The following DOK6 variants were observed in gnomAD, a reference collection of about 807,000 sequenced individuals.
DOK6 encodes the protein downstream of tyrosine kinase 6.
In DOK6, 22 loss-of-function variants were observed where a neutral mutation model predicts 44.0. That is an observed-to-expected ratio of 0.50 (90% confidence interval 0.36 to 0.71). The LOEUF (loss-of-function observed/expected upper bound fraction) is 0.71, where lower values mean the gene tolerates loss of function less well. DOK6 is among the 30% of genes least tolerant of loss of function. The pLI is 0.00. For synonymous variants in DOK6, 166 were observed against 145.5 expected (o/e 1.14, Z -1.01); for missense variants, 340 against 416.4 (o/e 0.82, Z 1.60).
At chr18:69,701,924 C>A (rs555080396) in intron 5 of DOK6, among the ~76,000 whole-genome samples, 8 of 152,110 alleles carry the variant, frequency 5.3e-5, no homozygotes, top group African/African-American at 1.9e-4. Context: ...GAGAAAGAAT[C>A]TTTTCTCTAA....
rs572970687 is a variant in DOK6, at chr18:69,579,720, C to T, written c.174+15126C>T. 1.1e-4 allele frequency among the ~76,000 whole-genome samples: 17 copies of T among 152,198 alleles called. No individual in the cohort carries two copies. In the South Asian group the frequency reaches 2.9e-3, roughly 26 times the overall value. Reference sequence around the variant, plus strand: ...CTGGAATTACAGGCACCCACCACCACGCCCAGCTAATTTTTGTATATTTTT... The same window carrying T: ...CTGGAATTACAGGCACCCACCACCATGCCCAGCTAATTTTTGTATATTTTT... On this transcript the variant is annotated intron_variant, in intron 2 of 7. Transcript: ENST00000382713.
chr18:69,485,423 C>T (rs188677396), intron 1 of DOK6, among the ~76,000 whole-genome samples: 68 of 152,156 alleles, frequency 4.5e-4, no homozygotes, highest in Middle Eastern at 6.8e-3. Flanking sequence ...TACCCCAGAC[C>T]ATCAAAGGCA....
intron 1 of DOK6, among the ~76,000 whole-genome samples, chr18:69,416,156 G>C (rs79800455): frequency 8.4e-6 from 1 of 119,132 alleles, no homozygotes; most frequent in African/African-American, 3.1e-5. Flanking sequence ...GAGGGAGGGA[G>C]GGAAGGAAGG....
At chr18:69,626,245 A>C (rs1423955349) in intron 3 of DOK6, among the ~76,000 whole-genome samples, 1 of 152,166 alleles carries the variant, frequency 6.6e-6, no homozygotes, top group East Asian at 1.9e-4. Context: ...TGGCCATCCC[A>C]TTTGATCTCT....
chr18:69,512,578 A>T (rs554827983), intron 1 of DOK6, among the ~76,000 whole-genome samples: 46 of 152,104 alleles, frequency 3.0e-4, no homozygotes, highest in Admixed American at 8.5e-4. Flanking sequence ...TCCTAACCTC[A>T]GTTGATTCGT....
rs184975015 is a variant in DOK6 at position 69,592,216 on chromosome 18, T to G, written c.175-7168T>G. The stretch of plus-strand genomic sequence containing the variant: ...GGTAAGAGTAAGGTTTGGGAGTTGG[T>G]GGCTTTTGTTTTTCTTTTTTCTTTT... On this transcript the variant is annotated intron_variant, in intron 2 of 7. Coordinates refer to ENST00000382713, the MANE Select transcript of DOK6 (RefSeq NM_152721.6). 1.5e-4 allele frequency among the ~76,000 whole-genome samples: 22 copies of G among 150,426 alleles called. No homozygotes were observed. The East Asian group carries it at 4.3e-3, about 30-fold the overall frequency.
At chr18:69,733,921 T>C (rs1277544413) in intron 5 of DOK6, among the ~76,000 whole-genome samples, 4 of 152,140 alleles carry the variant, frequency 2.6e-5, no homozygotes, top group African/African-American at 4.8e-5. Context: ...TTCAATCTTT[T>C]TGTTTTTGTC....
intron 1 of DOK6, among the ~76,000 whole-genome samples, chr18:69,431,923 A>C (rs1397803999): frequency 6.6e-6 from 1 of 152,244 alleles, no homozygotes; most frequent in African/African-American, 2.4e-5. Flanking sequence ...TAAGCACAGA[A>C]TAATTATCTA....
At chr18:69,598,464 T>G (rs1983798606) in intron 2 of DOK6, among the ~76,000 whole-genome samples, 1 of 152,058 alleles carries the variant, frequency 6.6e-6, no homozygotes, top group Non-Finnish European at 1.5e-5. Flanking sequence ...TAGGTTGTCA[T>G]AAAAGAGGAT....
At chr18:69,677,252 A>G (rs1985942624) in intron 3 of DOK6, among the ~76,000 whole-genome samples, 1 of 151,744 alleles carries the variant, frequency 6.6e-6, no homozygotes, top group Non-Finnish European at 1.5e-5. Flanking sequence ...ACACTTATAT[A>G]TTTATTTTCT....
At chr18:69,689,537 G>A (rs576646287) in intron 4 of DOK6, among the ~76,000 whole-genome samples, 74 of 152,160 alleles carry the variant, frequency 4.9e-4, no homozygotes, top group Non-Finnish European at 7.8e-4. Flanking sequence ...ATAATGACTC[G>A]CTCTATATGT....
At chr18:69,665,061 G>C (rs1985621573) in intron 3 of DOK6, among the ~76,000 whole-genome samples, 1 of 152,026 alleles carries the variant, frequency 6.6e-6, no homozygotes, top group South Asian at 2.1e-4. Flanking sequence ...CATGCCTGTA[G>C]TCCCAGCTAC....
At position 69,437,581 on chromosome 18, in the gene DOK6, T is replaced by G. The variant is rs1333385677; in HGVS notation, c.66+36271T>G. On this transcript the variant is annotated intron_variant, in intron 1 of 7. Coordinates refer to ENST00000382713, the MANE Select transcript of DOK6 (RefSeq NM_152721.6). Reference sequence around the variant, plus strand: ...TGTTTTGGTTACTGTAGCCTTGTAGTATAGTTTGAAGTCAGGTAGTGTGAT... The same window carrying G: ...TGTTTTGGTTACTGTAGCCTTGTAGGATAGTTTGAAGTCAGGTAGTGTGAT... Among the ~76,000 whole-genome samples the G allele has an allele frequency of 3.3e-5, 5 of 152,160 alleles. No individual in the cohort carries two copies. In the East Asian group the frequency reaches 9.6e-4, roughly 29 times the overall value.
chr18:69,741,672 T>C (rs1449181033), intron 6 of DOK6, among the ~76,000 whole-genome samples: 1 of 151,992 alleles, frequency 6.6e-6, no homozygotes, highest in Non-Finnish European at 1.5e-5. Flanking sequence ...AATTTTTGTA[T>C]TTTTTATAGA....
At chr18:69,787,488 C>G (rs1241486764) in intron 7 of DOK6, among the ~76,000 whole-genome samples, 4 of 152,266 alleles carry the variant, frequency 2.6e-5, no homozygotes, top group Admixed American at 2.6e-4. Flanking sequence ...AAGGAAGAAT[C>G]ATGAAAGTCA....
At chr18:69,713,521 T>A (rs1986815729) in intron 5 of DOK6, among the ~76,000 whole-genome samples, 1 of 152,210 alleles carries the variant, frequency 6.6e-6, no homozygotes, top group Non-Finnish European at 1.5e-5. Flanking sequence ...GCTGAGATAC[T>A]AATGAGCTAT....
chr18:69,549,569 A>C lies in DOK6; in HGVS notation c.67-14918A>C, dbSNP rs531007640. Among the ~76,000 whole-genome samples, 157 of 151,834 alleles carry C rather than the reference A, an allele frequency of 1.0e-3. 1 individual carries two copies. Among genetic ancestry groups the C allele is most frequent in the African/African-American group, 3.5e-3 (146 of 41,510 alleles). On this transcript the variant is annotated intron_variant, in intron 1 of 7. Coordinates refer to ENST00000382713, the MANE Select transcript of DOK6 (RefSeq NM_152721.6). The stretch of plus-strand genomic sequence containing the variant: ...TCTTGATTAGGCATTTAATTTAAAA[A>C]AATTGAATGGCTTAATTTGGGCATA...
At chr18:69,458,067 C>T (rs149928136) in intron 1 of DOK6, among the ~76,000 whole-genome samples, 6 of 152,252 alleles carry the variant, frequency 3.9e-5, no homozygotes, top group Non-Finnish European at 8.8e-5. Flanking sequence ...CACTTGAACC[C>T]GTGAGGCAGA....
chr18:69,569,708 TA>T (rs145421689), intron 2 of DOK6, among the ~76,000 whole-genome samples: 134 of 152,316 alleles, frequency 8.8e-4, no homozygotes, highest in African/African-American at 3.2e-3. Context: ...AAACAAAAAT[TA>T]TTTTTTTTTA....
Sources: allele counts gnomAD v4.1 joint callset (sites outside exome capture counted in the v4.1 genomes callset), GRCh38; gene constraint gnomAD v4.1.1; transcripts MANE v1.5; gene names NCBI Gene and HGNC (gene_info 2026-07-23, HGNC 2026-07-21).